Variants in PDE4D observed in about 807,000 individuals in gnomAD.
The protein encoded by PDE4D is 3',5'-cyclic-AMP phosphodiesterase 4D.
Under a neutral mutation model 87.4 loss-of-function variants are expected in PDE4D, and 24 were observed. The observed-to-expected ratio is 0.27, with a 90% CI of 0.20 to 0.39. The LOEUF (loss-of-function observed/expected upper bound fraction) is 0.39. PDE4D is among the 10% of genes least tolerant of loss of function. PDE4D has a pLI of 1.00. For missense variants in PDE4D, 714 were observed against 1,041.0 expected, an observed-to-expected ratio of 0.69 and a Z score of 4.32; for synonymous variants, 384 against 383.2, an observed-to-expected ratio of 1.00 and a Z score of -0.02.
At chr5:59,964,254 A>G (rs1329257597) in intron 3 of PDE4D, among the ~76,000 whole-genome samples, 1 of 152,192 alleles carries the variant, frequency 6.6e-6, no homozygotes. Flanking sequence ...TGGTCTCATT[A>G]TGAGAATGAA....
At chr5:60,056,044 G>T (rs1397882817) in intron 2 of PDE4D, among the ~76,000 whole-genome samples, 2 of 152,004 alleles carry the variant, frequency 1.3e-5, no homozygotes, top group African/African-American at 4.8e-5. Context: ...CAGTGAAATT[G>T]TAGGAAAATG....
At position 59,975,383 on chromosome 5, in the gene PDE4D, C is replaced by G. The variant is rs185005800; in HGVS notation, c.272+13105G>C. Among the ~76,000 whole-genome samples the G allele has an allele frequency of 2.6e-5, 4 of 152,324 alleles. No individual in the cohort carries two copies. The East Asian group carries it at 7.7e-4, about 29-fold the overall frequency. ...TAGCACTTACATCTTAAAGTTCATT[C>G]TGTCCTCCAAATATGATCTATCTTT... On this transcript the variant is annotated intron_variant, in intron 3 of 16. Transcript: ENST00000502484.
chr5:59,515,613 C>T lies in PDE4D; in HGVS notation c.456-299645G>A, dbSNP rs529836235. Among the ~76,000 whole-genome samples, 333 of 152,006 alleles carry T rather than the reference C, an allele frequency of 2.2e-3. 1 individual carries two copies. The highest frequency in any genetic ancestry group is 6.8e-3 in the Middle Eastern group (2 of 294). ...TTTGAAAAGTTTCTAAATATTTGTT[C>T]GATATAAAAATTATTAGATTTGGAT... On this transcript the variant is annotated intron_variant, in intron 1 of 14. Coordinates refer to ENST00000340635, the MANE Select transcript of PDE4D (RefSeq NM_001104631.2).
intron 2 of PDE4D, among the ~76,000 whole-genome samples, chr5:60,151,855 G>A (rs1781536195): frequency 6.6e-6 from 1 of 152,150 alleles, no homozygotes; most frequent in Non-Finnish European, 1.5e-5. Context: ...TTTCATCACT[G>A]AGTATTCAGT....
chr5:59,135,457 C>T (rs951413800), intron 5 of PDE4D, among the ~76,000 whole-genome samples: 3 of 152,112 alleles, frequency 2.0e-5, no homozygotes, highest in African/African-American at 7.2e-5. Context: ...CTTTTTCTTA[C>T]CACTCCAGTT....
chr5:59,953,045 G>A (rs567364552), intron 3 of PDE4D, among the ~76,000 whole-genome samples: 7 of 152,094 alleles, frequency 4.6e-5, no homozygotes, highest in African/African-American at 1.2e-4. Flanking sequence ...CTCCATGACC[G>A]TATATTACTC....
intron 1 of PDE4D, among the ~76,000 whole-genome samples, chr5:59,863,772 G>A (rs1746622672): frequency 6.6e-6 from 1 of 152,078 alleles, no homozygotes; most frequent in Non-Finnish European, 1.5e-5. Context: ...TTTTAGTTTA[G>A]GATTTTTTTT....
chr5:59,418,751 C>A (rs1794038831), intron 1 of PDE4D, among the ~76,000 whole-genome samples: 1 of 152,242 alleles, frequency 6.6e-6, no homozygotes, highest in Middle Eastern at 3.4e-3. Context: ...CAGGTTCAAC[C>A]AATTCTCGTG....
chr5:59,385,796 T>C (rs1469395394), intron 1 of PDE4D, among the ~76,000 whole-genome samples: 2 of 152,152 alleles, frequency 1.3e-5, no homozygotes, highest in African/African-American at 4.8e-5. Flanking sequence ...CCTACTCTTC[T>C]TCCTGTGGTG....
chr5:59,945,330 T>G lies in PDE4D; in HGVS notation c.272+43158A>C, dbSNP rs547208526. ...ATGGAAGAATAATATTTGAATTAAG[T>G]GCTTTTCATGAAAAACCAGTAAAAA... On this transcript the variant is annotated intron_variant, in intron 3 of 16. Transcript: ENST00000502484. Among the ~76,000 whole-genome samples, 32 of 152,328 alleles carry G rather than the reference T, an allele frequency of 2.1e-4. No homozygotes were observed. The South Asian group carries it at 3.7e-3, about 18-fold the overall frequency.
chr5:59,589,552 T>G (rs995087999), intron 1 of PDE4D, among the ~76,000 whole-genome samples: 3 of 152,190 alleles, frequency 2.0e-5, no homozygotes, highest in Non-Finnish European at 4.4e-5. Context: ...AATGCAAAGA[T>G]TTTTTAAAAA....
chr5:60,159,368 A>G (rs1284374127), intron 2 of PDE4D, among the ~76,000 whole-genome samples: 1 of 152,174 alleles, frequency 6.6e-6, no homozygotes, highest in Non-Finnish European at 1.5e-5. Flanking sequence ...AGTATAGTAT[A>G]GTAAATACAT....
intron 1 of PDE4D, among the ~76,000 whole-genome samples, chr5:59,615,750 A>G (rs1304170537): frequency 1.3e-5 from 2 of 152,174 alleles, no homozygotes; most frequent in Non-Finnish European, 2.9e-5. Context: ...ATGTGACCCT[A>G]GTAAGTTTAA....
intron 1 of PDE4D, among the ~76,000 whole-genome samples, chr5:59,517,767 T>C (rs1409659154): frequency 6.6e-6 from 1 of 152,222 alleles, no homozygotes; most frequent in Non-Finnish European, 1.5e-5. Context: ...AGGAGTGTTA[T>C]TGTTCTTCAC....
In PDE4D at chr5:59,200,358, C is replaced by G. The variant is rs1746891851; in HGVS notation, c.648-6822G>C. ...ATGTACAGCTACACGTATACATACA[C>G]GTGTATGTACAGCTACACGTATACA... On this transcript the variant is annotated intron_variant, in intron 2 of 14. Transcript: ENST00000340635. Among the ~76,000 whole-genome samples, 2 of 89,726 alleles carry G rather than the reference C, an allele frequency of 2.2e-5. 1 individual carries two copies. Among genetic ancestry groups the G allele is most frequent in the South Asian group, 8.2e-4 (2 of 2,446 alleles). 58.9% of individuals were successfully genotyped at this position (89,726 alleles called of 152,430 possible).
At chr5:59,234,443 G>A (rs1198315606) in intron 1 of PDE4D, among the ~76,000 whole-genome samples, 1 of 152,066 alleles carries the variant, frequency 6.6e-6, no homozygotes, top group African/African-American at 2.4e-5. Context: ...TAATGAGAAA[G>A]CCATTCAATT....
chr5:59,230,846 G>A (rs555274383), intron 1 of PDE4D, among the ~76,000 whole-genome samples: 8 of 152,254 alleles, frequency 5.3e-5, no homozygotes, highest in African/African-American at 7.2e-5. Context: ...AATGAATGGC[G>A]AAGGGCTTCA....
chr5:59,498,349 A>AG (rs776329424), intron 1 of PDE4D, among the ~76,000 whole-genome samples: 91 of 151,152 alleles, frequency 6.0e-4, no homozygotes, highest in Non-Finnish European at 7.1e-4. Context: ...CATAGTCAAA[A>AG]TTAATATTGA....
intron 5 of PDE4D, among the ~76,000 whole-genome samples, chr5:59,052,932 T>A (rs1306780055): frequency 6.6e-6 from 1 of 152,158 alleles, no homozygotes; most frequent in Non-Finnish European, 1.5e-5. Flanking sequence ...CTGCTTTTAA[T>A]AGTAATTCAT....
Sources: gnomAD v4.1 joint callset for allele counts (sites outside exome capture counted in the v4.1 genomes callset) on GRCh38, gnomAD v4.1.1 for gene constraint, MANE v1.5 for transcripts, NCBI Gene and HGNC (gene_info 2026-07-23, HGNC 2026-07-21) for gene names.